Variants in DCC observed in about 807,000 individuals in gnomAD.
The protein encoded by DCC is DCC netrin 1 receptor, also known as netrin receptor DCC.
In DCC, 58 loss-of-function variants were observed where a neutral mutation model predicts 172.5. The observed-to-expected ratio is 0.34, with a 90% CI of 0.27 to 0.42. The LOEUF is 0.42. Ranked by LOEUF, DCC falls within the 10% of genes least tolerant of loss-of-function variation. The pLI is 1.00. For synonymous variants in DCC, 709 were observed against 644.5 expected, an observed-to-expected ratio of 1.10 and a Z score of -1.52; for missense variants, 1,740 against 1,791.0, an observed-to-expected ratio of 0.97 and a Z score of 0.51.
At chr18:52,364,400 G>A (rs1984753061) in intron 1 of DCC, among the ~76,000 whole-genome samples, 1 of 152,104 alleles carries the variant, frequency 6.6e-6, no homozygotes, top group African/African-American at 2.4e-5. Flanking sequence ...TTAAAATTTT[G>A]ATAAACATTG....
chr18:53,337,249 T>A (rs981135600), intron 14 of DCC, among the ~76,000 whole-genome samples: 2 of 152,274 alleles, frequency 1.3e-5, no homozygotes, highest in Non-Finnish European at 2.9e-5. Flanking sequence ...AAAATCATTA[T>A]GATTTCATAT....
At chr18:52,904,545 T>A (rs986773238) in intron 2 of DCC, among the ~76,000 whole-genome samples, 14 of 152,210 alleles carry the variant, frequency 9.2e-5, no homozygotes, top group African/African-American at 3.4e-4. Context: ...AAAATTAGGA[T>A]CATGAAAATT....
Position 52,347,398 on chromosome 18 carries a change from T to C in DCC, c.91+6520T>C, listed in dbSNP as rs562239151. 2.6e-5 allele frequency among the ~76,000 whole-genome samples: 4 copies of C among 152,320 alleles called. No homozygotes were observed. The South Asian group carries it at 8.3e-4, about 32-fold the overall frequency. On this transcript the variant is annotated intron_variant, in intron 1 of 28. Coordinates refer to ENST00000442544, the MANE Select transcript of DCC (RefSeq NM_005215.4). ...GTTCTTAATAGATACAATACATCAC[T>C]ATGACTTCATTATAGTATTATGTGA...
intron 1 of DCC, among the ~76,000 whole-genome samples, chr18:52,346,186 C>T (rs1407506933): frequency 6.6e-6 from 1 of 152,090 alleles, no homozygotes; most frequent in Non-Finnish European, 1.5e-5. Context: ...TCCCTGCAGG[C>T]CAATAAAAAA....
intron 7 of DCC, among the ~76,000 whole-genome samples, chr18:53,088,895 G>A (rs11664200): frequency 1.3e-5 from 2 of 152,026 alleles, no homozygotes; most frequent in Non-Finnish European, 2.9e-5. Flanking sequence ...AGCCAGAAAC[G>A]AGCATTAACC....
chr18:53,197,168 A>G lies in DCC; in HGVS notation c.1574-8048A>G, dbSNP rs11872781. 7.9e-3 allele frequency among the ~76,000 whole-genome samples: 1,203 copies of G among 152,208 alleles called. 12 individuals are homozygous for G. The highest frequency in any genetic ancestry group is 0.028 in the African/African-American group (1,154 of 41,562). On this transcript the variant is annotated intron_variant, in intron 9 of 28. Transcript: ENST00000442544. ...ACGTTCACTAAGCAGATCATCAGCA[A>G]TGGAAGCTGCTGCTTAAAGGGAGAG...
chr18:52,602,463 C>T (rs2034036679), intron 1 of DCC, among the ~76,000 whole-genome samples: 1 of 150,182 alleles, frequency 6.7e-6, no homozygotes. Context: ...GCTCATTTTT[C>T]CCTCTCAACA....
intron 5 of DCC, among the ~76,000 whole-genome samples, chr18:52,955,696 C>T (rs1438852547): frequency 2.0e-5 from 3 of 152,116 alleles, no homozygotes; most frequent in Admixed American, 6.5e-5. Context: ...TGCTCCACAA[C>T]CTGGCCAGCA....
chr18:52,619,107 T>C (rs1376340306), intron 1 of DCC, among the ~76,000 whole-genome samples: 1 of 152,174 alleles, frequency 6.6e-6, no homozygotes, highest in Non-Finnish European at 1.5e-5. Context: ...CCAGCTATTT[T>C]TTGCATTTTT....
At chr18:52,547,572 C>T (rs1598904585) in intron 1 of DCC, among the ~76,000 whole-genome samples, 2 of 152,046 alleles carry the variant, frequency 1.3e-5, no homozygotes, top group East Asian at 3.9e-4. Flanking sequence ...CTCTATATAC[C>T]ATGAGATGAG....
At chr18:53,122,777 C>G (rs1396036089) in intron 7 of DCC, among the ~76,000 whole-genome samples, 1 of 152,014 alleles carries the variant, frequency 6.6e-6, no homozygotes, top group East Asian at 1.9e-4. Flanking sequence ...AATGGAAAAT[C>G]ACTTAAAACT....
intron 1 of DCC, among the ~76,000 whole-genome samples, chr18:52,676,746 CCTT>C (rs1012420953): frequency 6.6e-6 from 1 of 152,124 alleles, no homozygotes; most frequent in South Asian, 2.1e-4. Context: ...ATTTTTGTTT[CCTT>C]CTTCTCTTGG....
chr18:52,433,639 G>GA (rs1170404980), intron 1 of DCC, among the ~76,000 whole-genome samples: 1 of 152,108 alleles, frequency 6.6e-6, no homozygotes, highest in Admixed American at 6.5e-5. Flanking sequence ...TGTAGTTGAT[G>GA]AAAAAACAAA....
chr18:52,880,023 T>G (rs551952592), intron 2 of DCC, among the ~76,000 whole-genome samples: 1 of 152,306 alleles, frequency 6.6e-6, no homozygotes, highest in African/African-American at 2.4e-5. Flanking sequence ...TCCTTTGTGT[T>G]ACAAACAATC....
intron 12 of DCC, among the ~76,000 whole-genome samples, chr18:53,277,234 C>A (rs2144719535): frequency 6.6e-6 from 1 of 152,234 alleles, no homozygotes; most frequent in Middle Eastern, 3.4e-3. Flanking sequence ...CTTTGGGAGG[C>A]CAAGGCGGGA....
intron 3 of DCC, among the ~76,000 whole-genome samples, chr18:52,914,071 T>C (rs959287287): frequency 6.6e-6 from 1 of 152,138 alleles, no homozygotes; most frequent in African/African-American, 2.4e-5. Context: ...CCATTGCTTT[T>C]CTGGAAAGTT....
At chr18:53,290,148 C>T (rs1176658389) in intron 12 of DCC, among the ~76,000 whole-genome samples, 1 of 152,134 alleles carries the variant, frequency 6.6e-6, no homozygotes, top group Non-Finnish European at 1.5e-5. Flanking sequence ...ACTAGTAAAT[C>T]ATACTATTGG....
intron 1 of DCC, among the ~76,000 whole-genome samples, chr18:52,746,790 CAT>C (rs1555655540): frequency 6.6e-6 from 1 of 152,048 alleles, no homozygotes; most frequent in African/African-American, 2.4e-5. Context: ...AAAACTAAAA[CAT>C]AGATAATAAA....
At chr18:53,119,185 G>T (rs966103085) in intron 7 of DCC, among the ~76,000 whole-genome samples, 2 of 151,816 alleles carry the variant, frequency 1.3e-5, no homozygotes, top group Admixed American at 1.3e-4. Flanking sequence ...ACTACAGTGG[G>T]TCAAGATCTG....
Sources: allele counts gnomAD v4.1 joint callset (sites outside exome capture counted in the v4.1 genomes callset), GRCh38; gene constraint gnomAD v4.1.1; transcripts MANE v1.5; gene names NCBI Gene and HGNC (gene_info 2026-07-23, HGNC 2026-07-21).